ASAP1: variants seen among roughly 807,000 people sequenced by gnomAD.
The protein encoded by ASAP1 is ArfGAP with SH3 domain, ankyrin repeat and PH domain 1, also known as arf-GAP with SH3 domain, ANK repeat and PH domain-containing protein 1.
In ASAP1, 43 loss-of-function variants were observed where a neutral mutation model predicts 145.2. The observed-to-expected ratio is 0.30, with a 90% CI of 0.23 to 0.38. The LOEUF (loss-of-function observed/expected upper bound fraction) is 0.38, where lower values mean the gene tolerates loss of function less well. Among genes scored for constraint, ASAP1 ranks in the 10% least tolerant of loss-of-function variants. The pLI, the probability that ASAP1 is intolerant of heterozygous loss-of-function variation, is 1.00. For synonymous variants in ASAP1, 546 were observed against 515.5 expected (o/e 1.06, Z -0.80); for missense variants, 1,018 against 1,355.3 (o/e 0.75, Z 3.91).
intron 4 of ASAP1, among the ~76,000 whole-genome samples, chr8:130,226,624 T>C (rs1357840580): frequency 2.0e-5 from 3 of 152,204 alleles, no homozygotes; most frequent in Non-Finnish European, 4.4e-5. Flanking sequence ...CCCCAGCCTC[T>C]GGGGTGTTAT....
intron 2 of ASAP1, among the ~76,000 whole-genome samples, chr8:130,391,176 CA>C (rs1214841172): frequency 6.7e-6 from 1 of 149,928 alleles, no homozygotes; most frequent in Non-Finnish European, 1.5e-5. Flanking sequence ...AAGGCAGTAA[CA>C]AAAAGACAAA....
At chr8:130,083,593 C>T (rs1239183282) in intron 25 of ASAP1, 1 of 152,188 alleles carries the variant, frequency 6.6e-6, no homozygotes, top group Admixed American at 6.5e-5. Flanking sequence ...ATGGTACCTA[C>T]TACCCTAGAT....
intron 4 of ASAP1, among the ~76,000 whole-genome samples, chr8:130,228,069 A>G (rs1384419708): frequency 2.6e-5 from 4 of 152,216 alleles, no homozygotes; most frequent in Non-Finnish European, 1.5e-5. Context: ...TAGAGGCTAC[A>G]AAAGTATCTT....
At chr8:130,137,086 T>A (rs1345298240) in intron 13 of ASAP1, 48 bp from the exon 14 acceptor site, 2 of 1,500,802 alleles carry the variant, frequency 1.3e-6, no homozygotes, top group South Asian at 2.3e-5. Flanking sequence ...TCCACTCTCT[T>A]GTCTGCAGGT....
At chr8:130,118,342 A>T in intron 19 of ASAP1, 96 bp from the exon 20 acceptor site, 1 of 1,352,510 alleles carries the variant, frequency 7.4e-7, no homozygotes, top group Non-Finnish European at 1.0e-6. Context: ...TATAAGGAGC[A>T]CACCTCTTCA....
chr8:130,271,941 G>A (rs1255068069), intron 3 of ASAP1, among the ~76,000 whole-genome samples: 2 of 152,092 alleles, frequency 1.3e-5, no homozygotes, highest in East Asian at 1.9e-4. Flanking sequence ...AATGGAAGGG[G>A]AGGAAGCAAG....
chr8:130,230,065 A>AAAACAAAC (rs3997633), intron 4 of ASAP1, among the ~76,000 whole-genome samples: 6 of 150,280 alleles, frequency 4.0e-5, no homozygotes, highest in East Asian at 3.9e-4. Flanking sequence ...TCCTGTCTCC[A>AAAACAAAC]AAACAAACAA....
chr8:130,152,190 C>T (rs1038975536), intron 13 of ASAP1, among the ~76,000 whole-genome samples: 1 of 152,138 alleles, frequency 6.6e-6, no homozygotes, highest in Non-Finnish European at 1.5e-5. Flanking sequence ...TTTTAAAATC[C>T]AAACTGAGAT....
At chr8:130,076,493 A>G in intron 26 of ASAP1, 87 bp from the exon 27 acceptor site, 2 of 994,420 alleles carry the variant, frequency 2.0e-6, no homozygotes, top group South Asian at 1.5e-5. Context: ...AATCAAAGGT[A>G]TTTACATAAT....
chr8:130,057,892 T>A, intron 29 of ASAP1, 62 bp downstream of exon 29: 1 of 1,598,312 alleles, frequency 6.3e-7, no homozygotes. Context: ...GGCTCCAATG[T>A]GGTGCCTGCC....
intron 24 of ASAP1, among the ~76,000 whole-genome samples, chr8:130,111,514 T>C (rs886206435): frequency 4.6e-5 from 7 of 152,214 alleles, no homozygotes; most frequent in Non-Finnish European, 7.3e-5. Flanking sequence ...ATTCACATGA[T>C]GCCAGTAACT....
chr8:130,349,360 T>C (rs915092999), intron 3 of ASAP1, among the ~76,000 whole-genome samples: 3 of 152,194 alleles, frequency 2.0e-5, no homozygotes, highest in African/African-American at 7.2e-5. Flanking sequence ...AGTCTCATCT[T>C]CTCAGTTACA....
chr8:130,180,627 T>C, intron 8 of ASAP1, 124 bp downstream of exon 8: 1 of 1,213,280 alleles, frequency 8.2e-7, no homozygotes, highest in Non-Finnish European at 1.1e-6. Flanking sequence ...TTAGAATCCT[T>C]AAGAAACAGT....
chr8:130,210,308 A>G (rs950470359), intron 5 of ASAP1, among the ~76,000 whole-genome samples: 1 of 152,188 alleles, frequency 6.6e-6, no homozygotes, highest in Non-Finnish European at 1.5e-5. Flanking sequence ...GAAAATAGTT[A>G]TTTTTCCATA....
chr8:130,198,237 GT>G (rs1296978076), intron 5 of ASAP1, among the ~76,000 whole-genome samples: 1 of 150,524 alleles, frequency 6.6e-6, no homozygotes, highest in Non-Finnish European at 1.5e-5. Flanking sequence ...CGATTCTCCT[GT>G]TTCAGCCTCC....
chr8:130,214,352 G>A (rs929178239), intron 5 of ASAP1, among the ~76,000 whole-genome samples: 5 of 152,058 alleles, frequency 3.3e-5, no homozygotes, highest in African/African-American at 9.7e-5. Flanking sequence ...TTTCACAATG[G>A]GATTTTCTTT....
At chr8:130,284,937 T>C (rs1392148516) in intron 3 of ASAP1, among the ~76,000 whole-genome samples, 1 of 149,406 alleles carries the variant, frequency 6.7e-6, no homozygotes, top group East Asian at 2.0e-4. Context: ...CACTCATGAG[T>C]GGGTGGCTGC....
intron 1 of ASAP1, among the ~76,000 whole-genome samples, chr8:130,405,349 C>T (rs13255178): frequency 0.19 from 29,045 of 152,052 alleles, 2,998 homozygotes; most frequent in Non-Finnish European, 0.23. Context: ...GATCCTGACC[C>T]GGGTGGTCTA....
chr8:130,233,089 C>T (rs1231614923), intron 4 of ASAP1, among the ~76,000 whole-genome samples: 2 of 152,166 alleles, frequency 1.3e-5, no homozygotes, highest in African/African-American at 2.4e-5. Context: ...ACTGCAGAAA[C>T]CCTATCAGGC....
Sources: gnomAD v4.1 joint callset for allele counts (sites outside exome capture counted in the v4.1 genomes callset) on GRCh38, gnomAD v4.1.1 for gene constraint, MANE v1.5 for transcripts, NCBI Gene and HGNC (gene_info 2026-07-23, HGNC 2026-07-21) for gene names.